The following CDC42BPB variants were observed in gnomAD, a reference collection of about 807,000 sequenced individuals.
CDC42BPB encodes the protein serine/threonine-protein kinase MRCK beta.
A neutral mutation model predicts 214.9 loss-of-function variants in CDC42BPB; 37 were observed. The ratio of observed to expected loss-of-function variants is 0.17; its 90% CI spans 0.13 to 0.23. CDC42BPB has a LOEUF of 0.23. CDC42BPB is among the 10% of genes least tolerant of loss of function. The pLI, the probability that CDC42BPB is intolerant of heterozygous loss-of-function variation, is 1.00. For synonymous variants in CDC42BPB, 931 were observed against 884.0 expected, an observed-to-expected ratio of 1.05 and a Z score of -0.94; for missense variants, 1,694 against 2,227.0, an observed-to-expected ratio of 0.76 and a Z score of 4.82.
chr14:103,002,922 A>G lies in CDC42BPB; in HGVS notation c.447+1006T>C, dbSNP rs1239906644. ...ATTTTTCCCTAATCCTGGGTGTTCA[A>G]ATCTCAGGGCTTTCTCTGATGCTTC... On this transcript the variant is annotated intron_variant, in intron 4 of 36. Transcript: ENST00000361246. 2.6e-5 allele frequency among the ~76,000 whole-genome samples: 4 copies of G among 152,140 alleles called. No individual in the cohort carries two copies. In the East Asian group the frequency reaches 7.7e-4, roughly 29 times the overall value.
chr14:102,946,419 G>A, intron 28 of CDC42BPB, 49 bp downstream of exon 28: 1 of 1,602,366 alleles, frequency 6.2e-7, no homozygotes, highest in African/African-American at 1.3e-5. Flanking sequence ...AGCGCCGCCG[G>A]AAGTGCTGTT....
chr14:102,933,587 C>T lies in CDC42BPB; in HGVS notation c.*125G>A, dbSNP rs1293821756. The T allele has an allele frequency of 1.3e-6, 1 of 755,132 alleles. No individual in the cohort carries two copies. The highest frequency in any genetic ancestry group is 1.9e-6 in the Non-Finnish European group (1 of 518,446). 46.8% of individuals were successfully genotyped at this position (755,132 alleles called of 1,614,324 possible). ...CAATATTATAATAAAGATTTGTCTT[C>T]TTCATCTCCATATCTACAAAGTGAT... On this transcript the variant is annotated 3_prime_UTR_variant, in exon 37 of 37. Coordinates refer to ENST00000361246, the MANE Select transcript of CDC42BPB (RefSeq NM_006035.4).
At chr14:102,946,042 T>G (rs11629076) in intron 28 of CDC42BPB, among the ~76,000 whole-genome samples, 46,281 of 151,682 alleles carry the variant, frequency 0.31, 8,317 homozygotes, top group East Asian at 0.52. Flanking sequence ...GGAGTCTCGG[T>G]CTGTCGCCCA....
At chr14:102,981,709 G>A (rs1485477896) in intron 7 of CDC42BPB, among the ~76,000 whole-genome samples, 1 of 152,160 alleles carries the variant, frequency 6.6e-6, no homozygotes, top group Non-Finnish European at 1.5e-5. Context: ...CTCGGGAGGT[G>A]CAAGTTGCAG....
chr14:102,974,132 G>C lies in CDC42BPB; in HGVS notation c.1525C>G (p.Arg509Gly), dbSNP rs768333860. The C allele has an allele frequency of 1.2e-6, 2 of 1,613,580 alleles. No individual in the cohort carries two copies. Among genetic ancestry groups the C allele is most frequent in the Admixed American group, 1.7e-5 (1 of 59,896 alleles). The change falls in exon 12 of 37, where the codon CGA becomes GGA. Residue 509 changes from arginine to glycine, a missense_variant. Coordinates refer to ENST00000361246, the MANE Select transcript of CDC42BPB (RefSeq NM_006035.4). ...NKIADSNRLE[R>G]QLEDTVALRQ... ...AGCGCCACTGTGTCCTCAAGCTGTCGCTCGAGCCTGTTTGAATCTGGACAA... is the reference window on the plus strand; with the variant it reads ...AGCGCCACTGTGTCCTCAAGCTGTCCCTCGAGCCTGTTTGAATCTGGACAA...
At chr14:102,957,024 CAAAAAAAAAAA>C (rs1183767118) in intron 21 of CDC42BPB, among the ~76,000 whole-genome samples, 17 of 48,158 alleles carry the variant, frequency 3.5e-4, no homozygotes, top group South Asian at 2.2e-3. Flanking sequence ...ACTAAAAATA[CAAAAAAAAAAA>C]AAAAAAAAAA....
chr14:103,004,140 C>A lies in CDC42BPB; in HGVS notation c.352-117G>T. On this transcript the variant is annotated intron_variant, in intron 3 of 36. Transcript: ENST00000361246. The surrounding 1 kb of genome is among the most constrained non-coding windows in gnomAD (Gnocchi z 5.3). ...CTCCAGCCACGGTGTCCCTGCCTTC[C>A]GGGCTCCTCCTCGTGCACCACCCCG... is the stretch of plus-strand genomic sequence containing the variant. 7.1e-7 allele frequency: 1 copy of A among 1,404,902 alleles called. No homozygotes were observed. Among genetic ancestry groups the A allele is most frequent in the Non-Finnish European group, 9.3e-7 (1 of 1,073,956 alleles). The allele number at this position is 1,404,902 out of a possible 1,614,324, so 87.0% of individuals were successfully genotyped here. A position where few individuals can be genotyped will look rare whatever the true frequency, so the allele number is the denominator to read the frequency against.
chr14:103,021,731 G>A (rs17101201), intron 1 of CDC42BPB, among the ~76,000 whole-genome samples: 16,807 of 151,662 alleles, frequency 0.11, 1,095 homozygotes, highest in African/African-American at 0.17. Flanking sequence ...AGACAAGTGA[G>A]ACCACAGATT....
intron 1 of CDC42BPB, among the ~76,000 whole-genome samples, chr14:103,052,650 T>C (rs1181640641): frequency 6.6e-6 from 1 of 151,610 alleles, no homozygotes; most frequent in African/African-American, 2.4e-5. Context: ...ACTAGGAGGA[T>C]TAATTCTATT....
At chr14:103,014,472 A>G (rs144107164) in intron 1 of CDC42BPB, among the ~76,000 whole-genome samples, 24 of 152,280 alleles carry the variant, frequency 1.6e-4, no homozygotes, top group African/African-American at 5.5e-4. Context: ...AACTGAGTGA[A>G]GTGCACAGGG....
intron 36 of CDC42BPB, among the ~76,000 whole-genome samples, chr14:102,936,310 G>C (rs988106988): frequency 1.5e-4 from 23 of 152,200 alleles, no homozygotes; most frequent in African/African-American, 5.5e-4. Context: ...GTTCACAGCA[G>C]CACCACTCAC....
intron 1 of CDC42BPB, among the ~76,000 whole-genome samples, chr14:103,012,591 G>C (rs1437622384): frequency 1.3e-5 from 2 of 152,288 alleles, no homozygotes; most frequent in East Asian, 3.9e-4. Context: ...GATCACCTGA[G>C]GTCAAGAGTT....
chr14:102,949,360 CCA>C (rs1209955772), intron 26 of CDC42BPB, among the ~76,000 whole-genome samples: 1 of 152,098 alleles, frequency 6.6e-6, no homozygotes, highest in Non-Finnish European at 1.5e-5. Flanking sequence ...GCCCACGGCT[CCA>C]GACTTCTTCC....
chr14:102,944,599 T>C lies in CDC42BPB; in HGVS notation c.3812-112A>G. The C allele has an allele frequency of 6.8e-7, 1 of 1,479,506 alleles. No homozygotes were observed. Among genetic ancestry groups the C allele is most frequent in the South Asian group, 1.4e-5 (1 of 69,510 alleles). 91.6% of individuals were successfully genotyped at this position (1,479,506 alleles called of 1,614,324 possible). A position where few individuals can be genotyped will look rare whatever the true frequency, so the allele number is the denominator to read the frequency against. ...AACACTCTGGGGCCCTCCCCTGGGC[T>C]CCCTTCCTGTGTGCACAGCCTGAGC... On this transcript the variant is annotated intron_variant, in intron 29 of 36. Transcript: ENST00000361246. The surrounding 1 kb of genome is among the most constrained non-coding windows in gnomAD (Gnocchi z 6.6).
chr14:103,014,260 A>G (rs1046826428), intron 1 of CDC42BPB, among the ~76,000 whole-genome samples: 1 of 151,196 alleles, frequency 6.6e-6, no homozygotes, highest in African/African-American at 2.4e-5. Flanking sequence ...TGGAGCCCAC[A>G]CTGTCTGACT....
chr14:102,976,837 A>G (rs1420129847), intron 9 of CDC42BPB, among the ~76,000 whole-genome samples: 1 of 152,172 alleles, frequency 6.6e-6, no homozygotes, highest in Non-Finnish European at 1.5e-5. Flanking sequence ...AACTACAGCC[A>G]TGGGCTTGGG....
chr14:103,056,390 C>G (rs1247069135), intron 1 of CDC42BPB, among the ~76,000 whole-genome samples: 2 of 152,174 alleles, frequency 1.3e-5, no homozygotes, highest in African/African-American at 4.8e-5. Context: ...TGTAGACAGG[C>G]TGTCACCCAG....
intron 1 of CDC42BPB, among the ~76,000 whole-genome samples, chr14:103,033,298 T>G (rs1266437000): frequency 6.6e-6 from 1 of 152,196 alleles, no homozygotes; most frequent in Non-Finnish European, 1.5e-5. Context: ...CTCTGCTCAC[T>G]GCAAGCCCCG....
chr14:103,006,300 C>T (rs1016838473), intron 3 of CDC42BPB, among the ~76,000 whole-genome samples: 11 of 152,190 alleles, frequency 7.2e-5, no homozygotes, highest in African/African-American at 2.7e-4. Flanking sequence ...GAGGTGAGAC[C>T]GTGGGCTCAG....
Sources: allele counts gnomAD v4.1 joint callset (sites outside exome capture counted in the v4.1 genomes callset), GRCh38; gene constraint gnomAD v4.1.1; non-coding constraint Gnocchi (gnomAD v3.1); transcripts MANE v1.5; gene names NCBI Gene and HGNC (gene_info 2026-07-23, HGNC 2026-07-21).